UBE2E2: variants seen among roughly 807,000 people sequenced by gnomAD.
The protein encoded by UBE2E2 is ubiquitin conjugating enzyme E2 E2, also known as ubiquitin-conjugating enzyme E2 E2.
A neutral mutation model predicts 24.7 loss-of-function variants in UBE2E2; 6 were observed. The ratio of observed to expected loss-of-function variants is 0.24; its 90% confidence interval spans 0.13 to 0.48. The LOEUF is 0.48. Among genes scored for constraint, UBE2E2 ranks in the 20% least tolerant of loss-of-function variants. The pLI, the probability that UBE2E2 is intolerant of heterozygous loss-of-function variation, is 0.99. For missense variants in UBE2E2, 169 were observed against 245.0 expected (o/e 0.69, Z 2.07); for synonymous variants, 104 against 83.6 (o/e 1.24, Z -1.33).
intron 5 of UBE2E2, among the ~76,000 whole-genome samples, chr3:23,538,851 A>G (rs1695324582): frequency 6.6e-6 from 1 of 152,208 alleles, no homozygotes; most frequent in Non-Finnish European, 1.5e-5. Context: ...ATGATATTAA[A>G]AGGATTATTT....
intron 3 of UBE2E2, among the ~76,000 whole-genome samples, chr3:23,494,677 A>G (rs1259731684): frequency 6.6e-6 from 1 of 152,156 alleles, no homozygotes. Context: ...AGAAGAGTCC[A>G]GGTTGCTAAA....
rs181723462 is a variant in UBE2E2, at chr3:23,515,443, A to G, written c.360+15703A>G. The stretch of plus-strand genomic sequence containing the variant: ...GTCCATGATGGATGATAGAATTTCA[A>G]TAGGAAGGAGAGAGAAGATAGGTTT... On this transcript the variant is annotated intron_variant, in intron 4 of 5. Transcript: ENST00000396703. Among the ~76,000 whole-genome samples, 629 of 152,258 alleles carry G rather than the reference A, an allele frequency of 4.1e-3. 5 individuals are homozygous for G. The highest frequency in any genetic ancestry group is 0.01 in the Admixed American group (155 of 15,292).
At chr3:23,561,680 G>A (rs553544903) in intron 5 of UBE2E2, among the ~76,000 whole-genome samples, 10 of 151,522 alleles carry the variant, frequency 6.6e-5, no homozygotes, top group South Asian at 2.1e-4. Context: ...CCATTTTCAC[G>A]ATACTGATTC....
chr3:23,498,324 CTG>C (rs567324107), intron 3 of UBE2E2, among the ~76,000 whole-genome samples: 79 of 152,258 alleles, frequency 5.2e-4, no homozygotes, highest in African/African-American at 1.9e-3. Flanking sequence ...TCCAGTTTCT[CTG>C]TTTTTCAAAT....
At chr3:23,301,618 C>T (rs894385699) in intron 3 of UBE2E2, among the ~76,000 whole-genome samples, 1 of 152,206 alleles carries the variant, frequency 6.6e-6, no homozygotes, top group African/African-American at 2.4e-5. Context: ...ACCACAGATG[C>T]TGCTGTCTGA....
In UBE2E2 at chr3:23,591,580, G is replaced by A. The variant is rs1696764280; in HGVS notation, c.*1749G>A. 3 of 152,302 alleles carry A rather than the reference G, an allele frequency of 2.0e-5. No individual in the cohort carries two copies. The South Asian group carries it at 6.2e-4, about 32-fold the overall frequency. 9.4% of individuals were successfully genotyped at this position (152,302 alleles called of 1,614,324 possible). On this transcript the variant is annotated 3_prime_UTR_variant, in exon 6 of 6. Transcript: ENST00000396703. The stretch of plus-strand genomic sequence containing the variant: ...TGCACTACTCAACCCTCTAGTTGTA[G>A]TAGAGGGAGCCACAGACAGTACATA...
intron 4 of UBE2E2, among the ~76,000 whole-genome samples, chr3:23,502,217 T>A (rs1399160108): frequency 8.2e-6 from 1 of 122,624 alleles, no homozygotes; most frequent in Non-Finnish European, 1.6e-5. Context: ...CTGCTTGGTA[T>A]TTTTCTCTCT....
chr3:23,401,800 C>G (rs1361900951), intron 3 of UBE2E2, among the ~76,000 whole-genome samples: 1 of 151,316 alleles, frequency 6.6e-6, no homozygotes, highest in Non-Finnish European at 1.5e-5. Context: ...CCTATCTCAG[C>G]CTCCCGAGTA....
rs563551898 is a variant in UBE2E2 at position 23,328,313 on chromosome 3, G to A, written c.227+111001G>A. ...GTTGGTCCCTGACTTACAATGGTTA[G>A]ATTTAAATTTTTTTGACTTTATGAT... On this transcript the variant is annotated intron_variant, in intron 3 of 5. Coordinates refer to ENST00000396703, the MANE Select transcript of UBE2E2 (RefSeq NM_152653.4). 1.5e-4 allele frequency among the ~76,000 whole-genome samples: 23 copies of A among 152,270 alleles called. No homozygotes were observed. In the East Asian group the frequency reaches 3.7e-3, roughly 24 times the overall value.
intron 4 of UBE2E2, among the ~76,000 whole-genome samples, chr3:23,524,383 C>T (rs1287541445): frequency 6.6e-6 from 1 of 152,154 alleles, no homozygotes; most frequent in Non-Finnish European, 1.5e-5. Context: ...AGAACTAATA[C>T]TCATTGGATT....
At position 23,348,347 on chromosome 3, in the gene UBE2E2, CAA is replaced by C. The variant is rs35038477; in HGVS notation, c.227+131051_227+131052del. ...GAATAAAATGAGCCTGTGCTGCTTT[CAA>C]AAAAAAAAAAAAAAAGAATAGTCCA... On this transcript the variant is annotated intron_variant, in intron 3 of 5. Transcript: ENST00000396703. Among the ~76,000 whole-genome samples the C allele has an allele frequency of 5.8e-4, 71 of 121,932 alleles. No individual in the cohort carries two copies. In the South Asian group the frequency reaches 5.8e-3, roughly 10 times the overall value. 80.0% of individuals were successfully genotyped at this position (121,932 alleles called of 152,430 possible). A position where few individuals can be genotyped will look rare whatever the true frequency, so the allele number is the denominator to read the frequency against.
chr3:23,207,005 GTTAATGGTAC>G (rs959585279), intron 1 of UBE2E2, among the ~76,000 whole-genome samples: 6 of 152,104 alleles, frequency 3.9e-5, no homozygotes, highest in African/African-American at 1.4e-4. Flanking sequence ...ATTTTTTGCT[GTTAATGGTAC>G]TTATTAAGTA....
Position 23,537,738 on chromosome 3 carries a change from C to G in UBE2E2, c.508+5037C>G, listed in dbSNP as rs918973141. ...CTTATTCATAAATTGTCTCTGATAC[C>G]TTAGCTTTGATTGTTATTAATTGCT... On this transcript the variant is annotated intron_variant, in intron 5 of 5. Coordinates refer to ENST00000396703, the MANE Select transcript of UBE2E2 (RefSeq NM_152653.4). Among the ~76,000 whole-genome samples the G allele has an allele frequency of 1.2e-4, 18 of 151,950 alleles. No homozygotes were observed. In the East Asian group the frequency reaches 3.3e-3, roughly 28 times the overall value.
intron 3 of UBE2E2, among the ~76,000 whole-genome samples, chr3:23,272,780 G>A (rs569030613): frequency 3.9e-5 from 6 of 152,256 alleles, no homozygotes; most frequent in African/African-American, 1.4e-4. Flanking sequence ...GAGCTGTGGC[G>A]TAGTAGTTTC....
intron 3 of UBE2E2, among the ~76,000 whole-genome samples, chr3:23,408,787 G>A (rs1419467354): frequency 6.6e-6 from 1 of 152,036 alleles, no homozygotes; most frequent in Non-Finnish European, 1.5e-5. Flanking sequence ...TGTTTCTTTT[G>A]GGAGTATACT....
intron 3 of UBE2E2, among the ~76,000 whole-genome samples, chr3:23,310,151 T>G (rs1694334158): frequency 6.6e-6 from 1 of 152,154 alleles, no homozygotes. Context: ...ATAACACCTT[T>G]CCTTTCCAGA....
chr3:23,558,707 A>G (rs1453628038), intron 5 of UBE2E2, among the ~76,000 whole-genome samples: 20 of 152,214 alleles, frequency 1.3e-4, no homozygotes, highest in Admixed American at 1.2e-3. Flanking sequence ...TTGCCCATCC[A>G]GGATGAGGAT....
chr3:23,391,861 G>A (rs1317334476), intron 3 of UBE2E2, among the ~76,000 whole-genome samples: 5 of 152,038 alleles, frequency 3.3e-5, no homozygotes, highest in Non-Finnish European at 7.4e-5. Context: ...ATAATAAATA[G>A]AACGAAAGGG....
At chr3:23,266,978 CA>C (rs767106066) in intron 3 of UBE2E2, among the ~76,000 whole-genome samples, 120 of 152,186 alleles carry the variant, frequency 7.9e-4, no homozygotes, top group Non-Finnish European at 1.2e-3. Context: ...GAAATGAAGG[CA>C]GAAATAAAGA....
Sources: allele counts gnomAD v4.1 joint callset (sites outside exome capture counted in the v4.1 genomes callset), GRCh38; gene constraint gnomAD v4.1.1; transcripts MANE v1.5; gene names NCBI Gene and HGNC (gene_info 2026-07-23, HGNC 2026-07-21).